Variants in ASCC2 observed in about 807,000 individuals in gnomAD.
ASCC2 encodes ASC-1 complex subunit P100.
A neutral mutation model predicts 93.5 loss-of-function variants in ASCC2; 42 were observed. That is an observed-to-expected ratio of 0.45 (90% CI 0.35 to 0.58). The LOEUF is 0.58. Among genes scored for constraint, ASCC2 ranks in the 20% least tolerant of loss-of-function variants. The probability of loss-of-function intolerance (pLI) is 0.00; values close to 1 mark genes in which losing one functional copy is unlikely to be tolerated. For synonymous variants in ASCC2, 364 were observed against 384.2 expected (o/e 0.95, Z 0.62); for missense variants, 859 against 977.6 (o/e 0.88, Z 1.62).
At chr22:29,816,879 C>T (rs561266516) in intron 5 of ASCC2, 2 of 152,174 alleles carry the variant, frequency 1.3e-5, no homozygotes, top group Non-Finnish European at 2.9e-5. Flanking sequence ...AATGCCAATG[C>T]CCTTAAGCAG....
intron 9 of ASCC2, 86 bp downstream of exon 9, chr22:29,808,025 T>C (rs1362499931): frequency 1.5e-6 from 2 of 1,372,960 alleles, no homozygotes; most frequent in Non-Finnish European, 2.1e-6. Context: ...GTCTTAGAGA[T>C]AGGGATGCTA....
chr22:29,825,778 G>T lies in ASCC2; in HGVS notation c.84C>A (p.His28Gln). 1.9e-6 allele frequency: 3 copies of T among 1,604,672 alleles called. No homozygotes were observed. Among genetic ancestry groups the T allele is most frequent in the Non-Finnish European group, 2.6e-6 (3 of 1,172,922 alleles). Residue 28 changes from histidine (H) to glutamine (Q), a missense_variant and splice_region_variant, in exon 3 of 20, where the codon CAC becomes CAA. By Grantham distance (24) the His-to-Gln change is conservative. Transcript: ENST00000307790. The surrounding 1 kb of genome is among the most constrained non-coding windows in gnomAD (Gnocchi z 4.9). The stretch of plus-strand genomic sequence containing the variant: ...AATACCGGTCTGCCTTCTGCTCGGG[G>T]TGCTACGGATCCAAAAACCACGTGT... ...TGKLRTSPAL[H>Q]PEQKADRYFV...
At chr22:29,814,863 G>C in intron 6 of ASCC2, 96 bp from the exon 7 acceptor site, 1 of 893,820 alleles carries the variant, frequency 1.1e-6, no homozygotes, top group East Asian at 2.7e-5. Context: ...AACTGCCTTG[G>C]AGTTTCTAGA....
rs2059140950 is a variant in ASCC2, at chr22:29,801,993, C to A, written c.1568+1G>T. Reference sequence around the variant, plus strand: ...AGCCTCCTCCCACCTGTCTCTCCCACCTGTCTAGGTTGCGGTCCAGCTGGC... The same window carrying A: ...AGCCTCCTCCCACCTGTCTCTCCCAACTGTCTAGGTTGCGGTCCAGCTGGC... On this transcript the variant is annotated splice_donor_variant, in intron 14 of 19. Coordinates refer to ENST00000307790, the MANE Select transcript of ASCC2 (RefSeq NM_032204.5). LOFTEE classifies it high-confidence loss of function. 5.1e-6 allele frequency: 8 copies of A among 1,583,496 alleles called. No individual in the cohort carries two copies. The highest frequency in any genetic ancestry group is 6.9e-6 in the Non-Finnish European group (8 of 1,163,580).
At position 29,789,107 on chromosome 22, in the gene ASCC2, C is replaced by T. The variant is rs373433240; in HGVS notation, c.2180G>A (p.Arg727His). ...HGQSRETTQE[R>H]RKKEANKATR... ...CGCCTTGTTGGCTTCCTTCTTCCTGCGTTCCTGGGTTGTCTCGCGGCTCTG... is the reference window on the plus strand; with the variant it reads ...CGCCTTGTTGGCTTCCTTCTTCCTGTGTTCCTGGGTTGTCTCGCGGCTCTG... The change falls in exon 20 of 20, where the codon CGC becomes CAC. Residue 727 changes from arginine to histidine, a missense_variant. Physicochemically the swap from Arg to His is conservative, Grantham distance 29. Transcript: ENST00000307790. 38 of 1,614,168 alleles carry T rather than the reference C, an allele frequency of 2.4e-5. No homozygotes were observed. The highest frequency in any genetic ancestry group is 1.5e-4 in the South Asian group (14 of 91,082).
intron 15 of ASCC2, among the ~76,000 whole-genome samples, chr22:29,799,900 G>T (rs2058878570): frequency 6.6e-6 from 1 of 152,110 alleles, no homozygotes; most frequent in Non-Finnish European, 1.5e-5. Context: ...TGATCTTACT[G>T]CCTCAGCCTC....
chr22:29,814,750 G>T lies in ASCC2; in HGVS notation c.627C>A (p.Leu209=). 6.2e-7 allele frequency: 1 copy of T among 1,610,810 alleles called. No individual in the cohort carries two copies. Among genetic ancestry groups the T allele is most frequent in the Non-Finnish European group, 8.5e-7 (1 of 1,178,570 alleles). ...CGTCCCCTTGCAAACCACAGTGCTG[G>T]AGGATATTGCTGAAGACCTGTGAAA... The part of the protein sequence containing the change: ...PTILQVFSNI[L]QHCGLQGDGA... The change falls in exon 7 of 20, where the codon CTC becomes CTA. Residue 209 remains leucine (L), a synonymous_variant. Coordinates refer to ENST00000307790, the MANE Select transcript of ASCC2 (RefSeq NM_032204.5).
Position 29,802,117 on chromosome 22 carries a change from A to C in ASCC2, c.1445T>G (p.Leu482Arg). The change falls in exon 14 of 20, where the codon CTT (leucine) becomes CGT (arginine). Residue 482 changes from leucine (L) to arginine (R), a missense_variant. Leu to Arg is a moderately radical substitution (Grantham distance 102, BLOSUM62 -2). Transcript: ENST00000307790. Reference sequence around the variant, plus strand: ...GCAGGCCAGGATGAAGCCCTCACCAAGGTCTGGCAGCAGGTCCTTCACTTG... The same window carrying C: ...GCAGGCCAGGATGAAGCCCTCACCACGGTCTGGCAGCAGGTCCTTCACTTG... ...ISQVKDLLPD[L>R]GEGFILACLE... 6.2e-7 allele frequency: 1 copy of C among 1,614,204 alleles called. No homozygotes were observed. The highest frequency in any genetic ancestry group is 2.2e-5 in the East Asian group (1 of 44,872).
chr22:29,834,550 C>T, intron 1 of ASCC2: 1 of 470,282 alleles, frequency 2.1e-6, no homozygotes, highest in Non-Finnish European at 4.4e-6. Flanking sequence ...CACGAGGTGG[C>T]CTGAAAAAAA....
Position 29,801,072 on chromosome 22 carries a change from C to A in ASCC2, c.1607G>T (p.Arg536Leu), listed in dbSNP as rs369487758. ...CTCGTCATTCTGGAAGACGTTGTGG[C>A]GAGACGTCAGCAGGGGTGTAGGGTC... Reference protein sequence around the residue: ...KPDPTPLLTSRHNVFQNDEFD... With the variant: ...KPDPTPLLTSLHNVFQNDEFD... The change falls in exon 15 of 20, where the codon CGC becomes CTC. Residue 536 changes from arginine to leucine, a missense_variant. By Grantham distance (102) the Arg-to-Leu change is moderately radical. Transcript: ENST00000307790. The A allele has an allele frequency of 2.5e-6, 4 of 1,608,490 alleles. No individual in the cohort carries two copies. Among genetic ancestry groups the A allele is most frequent in the South Asian group, 1.1e-5 (1 of 90,854 alleles).
Position 29,819,359 on chromosome 22 carries a change from G to A in ASCC2, c.541+2976C>T, listed in dbSNP as rs139505176. Among the ~76,000 whole-genome samples, 979 of 151,978 alleles carry A rather than the reference G, an allele frequency of 6.4e-3. 9 individuals carry two copies. The highest frequency in any genetic ancestry group is 0.023 in the African/African-American group (933 of 41,442). ...GTATTTTTAGTAGAGATGGGGTTTC[G>A]CCATATTGGCCAGGCTGGTCTCAAA... On this transcript the variant is annotated intron_variant, in intron 5 of 19. Transcript: ENST00000307790.
intron 19 of ASCC2, among the ~76,000 whole-genome samples, chr22:29,789,398 G>A (rs1185859313): frequency 6.6e-6 from 1 of 152,184 alleles, no homozygotes; most frequent in East Asian, 1.9e-4. Flanking sequence ...CTCTTCTCTG[G>A]GCCTTGCTTC....
chr22:29,830,269 T>A (rs138483515), intron 2 of ASCC2, among the ~76,000 whole-genome samples: 8 of 152,348 alleles, frequency 5.3e-5, no homozygotes, highest in African/African-American at 1.4e-4. Flanking sequence ...CGCTTTTGGA[T>A]TTGAGGCTTA....
chr22:29,801,176 T>TC, intron 14 of ASCC2, 66 bp from the exon 15 acceptor site: 2 of 1,522,184 alleles, frequency 1.3e-6, no homozygotes, highest in Admixed American at 3.7e-5. Flanking sequence ...GCACCCCACT[T>TC]CCCCCTGCTG....
intron 1 of ASCC2, among the ~76,000 whole-genome samples, chr22:29,835,274 T>C (rs945910788): frequency 3.3e-5 from 5 of 152,066 alleles, no homozygotes; most frequent in Non-Finnish European, 5.9e-5. Context: ...GGTGCACTCC[T>C]GTAGTCCCAG....
chr22:29,795,893 C>T (rs999239120), intron 15 of ASCC2, among the ~76,000 whole-genome samples: 1 of 151,770 alleles, frequency 6.6e-6, no homozygotes, highest in South Asian at 2.1e-4. Flanking sequence ...GCTGTGAAAT[C>T]GGGTCTCTGG....
intron 4 of ASCC2, among the ~76,000 whole-genome samples, chr22:29,824,142 T>C (rs1019636853): frequency 6.6e-6 from 1 of 152,072 alleles, no homozygotes; most frequent in African/African-American, 2.4e-5. Flanking sequence ...GAAGCTATGA[T>C]TGCGCCACTG....
intron 2 of ASCC2, among the ~76,000 whole-genome samples, chr22:29,828,360 C>G (rs535655076): frequency 2.6e-5 from 4 of 152,284 alleles, no homozygotes; most frequent in Non-Finnish European, 5.9e-5. Flanking sequence ...GCACAACCCA[C>G]AGCCCCTATT....
chr22:29,808,158 A>G lies in ASCC2; in HGVS notation c.861T>C (p.Ile287=), dbSNP rs1163368337. 3 of 1,614,074 alleles carry G rather than the reference A, an allele frequency of 1.9e-6. No individual in the cohort carries two copies. Among genetic ancestry groups the G allele is most frequent in the Non-Finnish European group, 2.5e-6 (3 of 1,180,044 alleles). ...YRLASFYEAA[I]PEMESAIKKR... is the part of the protein sequence containing the mutation. ...TCTTAATTGCAGACTCCATTTCGGG[A>G]ATTGCTGCTTCGTAGAAGGAAGCTA... The change falls in exon 9 of 20, where the codon ATT becomes ATC. Residue 287 remains isoleucine (I), a synonymous_variant. Coordinates refer to ENST00000307790, the MANE Select transcript of ASCC2 (RefSeq NM_032204.5).
Sources: allele counts gnomAD v4.1 joint callset (sites outside exome capture counted in the v4.1 genomes callset), GRCh38; gene constraint gnomAD v4.1.1; non-coding constraint Gnocchi (gnomAD v3.1); transcripts MANE v1.5; gene names NCBI Gene and HGNC (gene_info 2026-07-23, HGNC 2026-07-21).